The following DLGAP1 variants were observed in gnomAD, a reference collection of about 807,000 sequenced individuals.
DLGAP1 encodes the protein DLG associated protein 1.
In DLGAP1, 11 loss-of-function variants were observed where a neutral mutation model predicts 90.8. That is an observed-to-expected ratio of 0.12 (90% CI 0.08 to 0.20). The LOEUF is 0.20. Among genes scored for constraint, DLGAP1 ranks in the 10% least tolerant of loss-of-function variants. DLGAP1 has a pLI of 1.00. For missense variants in DLGAP1, 1,050 were observed against 1,333.8 expected, an observed-to-expected ratio of 0.79 and a Z score of 3.31; for synonymous variants, 558 against 540.7, an observed-to-expected ratio of 1.03 and a Z score of -0.44.
At chr18:4,079,072 G>A (rs188936680) in intron 2 of DLGAP1, among the ~76,000 whole-genome samples, 1 of 152,248 alleles carries the variant, frequency 6.6e-6, no homozygotes, top group East Asian at 1.9e-4. Context: ...AGCCCACGCT[G>A]GTGGTGGGTG....
intron 2 of DLGAP1, among the ~76,000 whole-genome samples, chr18:4,015,032 C>A (rs2074497282): frequency 6.6e-6 from 1 of 152,194 alleles, no homozygotes; most frequent in African/African-American, 2.4e-5. Flanking sequence ...GAACTGTTTG[C>A]TGCTCACCTT....
At chr18:4,307,368 C>G (rs1002875290) in intron 1 of DLGAP1, among the ~76,000 whole-genome samples, 8 of 152,140 alleles carry the variant, frequency 5.3e-5, no homozygotes, top group Admixed American at 4.6e-4. Flanking sequence ...TCTGTTCTAC[C>G]AGAGCCTCTC....
intron 1 of DLGAP1, among the ~76,000 whole-genome samples, chr18:4,371,758 G>A (rs1451122688): frequency 1.3e-5 from 2 of 152,136 alleles, no homozygotes; most frequent in Non-Finnish European, 2.9e-5. Context: ...AAAAGGCAAA[G>A]TCAGCTTTCT....
intron 1 of DLGAP1, among the ~76,000 whole-genome samples, chr18:4,335,113 G>A (rs1037526853): frequency 2.6e-5 from 4 of 151,858 alleles, no homozygotes; most frequent in African/African-American, 7.3e-5. Context: ...ATAAGGCAGC[G>A]AGCAGTTAAT....
At chr18:4,306,081 G>GGAGAGA (rs142976459) in intron 1 of DLGAP1, among the ~76,000 whole-genome samples, 2 of 143,728 alleles carry the variant, frequency 1.4e-5, no homozygotes, top group Admixed American at 7.0e-5. Flanking sequence ...AGAGGGGGGC[G>GGAGAGA]GAGAGAGAGA....
At chr18:4,091,940 A>C (rs2075778387) in intron 2 of DLGAP1, among the ~76,000 whole-genome samples, 1 of 152,128 alleles carries the variant, frequency 6.6e-6, no homozygotes, top group Non-Finnish European at 1.5e-5. Context: ...TTTTTTAATG[A>C]ATCACAAATA....
At chr18:3,650,485 G>A (rs912080607) in intron 7 of DLGAP1, among the ~76,000 whole-genome samples, 2 of 152,106 alleles carry the variant, frequency 1.3e-5, no homozygotes, top group African/African-American at 2.4e-5. Flanking sequence ...AAAAAGAAAC[G>A]TTTAGCCAAA....
chr18:3,910,339 T>C (rs181250361), intron 3 of DLGAP1, among the ~76,000 whole-genome samples: 1 of 152,120 alleles, frequency 6.6e-6, no homozygotes, highest in African/African-American at 2.4e-5. Flanking sequence ...ATTTCTGTAT[T>C]ACTACTATTA....
intron 1 of DLGAP1, among the ~76,000 whole-genome samples, chr18:4,399,856 C>T (rs1187782310): frequency 2.0e-5 from 3 of 152,162 alleles, no homozygotes; most frequent in African/African-American, 7.2e-5. Flanking sequence ...TGCCTTCTCT[C>T]CTTCCATGCA....
intron 1 of DLGAP1, among the ~76,000 whole-genome samples, chr18:4,327,605 T>C (rs1022799489): frequency 1.6e-4 from 25 of 152,074 alleles, no homozygotes; most frequent in African/African-American, 6.0e-4. Context: ...ATAAAATTTA[T>C]CAATTGTGCA....
In DLGAP1 at chr18:3,497,579, A is replaced by G. The variant is rs1330408268; in HGVS notation, c.*1606T>C. The G allele has an allele frequency of 1.3e-5, 2 of 152,218 alleles. No homozygotes were observed. The highest frequency in any genetic ancestry group is 2.9e-5 in the Non-Finnish European group (2 of 68,036). The allele number at this position is 152,218 out of a possible 1,614,324, so 9.4% of individuals were successfully genotyped here. ...TGGCTATGAGAGTGTATTATTTTAA[A>G]AAGCTTCTCTGGTGCAAGCATGTTT... On this transcript the variant is annotated 3_prime_UTR_variant, in exon 13 of 13. Transcript: ENST00000315677.
At chr18:4,039,147 A>C (rs945344774) in intron 2 of DLGAP1, among the ~76,000 whole-genome samples, 4 of 152,236 alleles carry the variant, frequency 2.6e-5, no homozygotes, top group African/African-American at 9.6e-5. Flanking sequence ...TATTTTTTTC[A>C]TACAAATTGG....
At chr18:3,651,964 G>A (rs2059323054) in intron 7 of DLGAP1, among the ~76,000 whole-genome samples, 1 of 149,454 alleles carries the variant, frequency 6.7e-6, no homozygotes, top group Non-Finnish European at 1.5e-5. Flanking sequence ...GAGCAAGACT[G>A]TCTCAAACAC....
chr18:3,822,725 C>T (rs2067488576), intron 4 of DLGAP1, among the ~76,000 whole-genome samples: 2 of 152,170 alleles, frequency 1.3e-5, no homozygotes, highest in African/African-American at 4.8e-5. Context: ...CCTAGGTCTG[C>T]AGTCCCCAAG....
At chr18:4,135,270 G>A (rs1020602702) in intron 2 of DLGAP1, among the ~76,000 whole-genome samples, 1 of 152,038 alleles carries the variant, frequency 6.6e-6, no homozygotes, top group Non-Finnish European at 1.5e-5. Context: ...CAGTAGAAGA[G>A]GGGGGAGCAG....
intron 3 of DLGAP1, among the ~76,000 whole-genome samples, chr18:3,948,504 T>C (rs757103453): frequency 3.9e-5 from 6 of 152,212 alleles, no homozygotes; most frequent in Non-Finnish European, 8.8e-5. Context: ...GATAAGTGGA[T>C]CTAGCGTGTT....
At chr18:4,032,701 G>A (rs537655655) in intron 2 of DLGAP1, among the ~76,000 whole-genome samples, 29 of 152,268 alleles carry the variant, frequency 1.9e-4, no homozygotes, top group African/African-American at 7.0e-4. Flanking sequence ...GTTTTAAGGT[G>A]TATAGAATGG....
chr18:3,695,626 T>A (rs1255354239), intron 7 of DLGAP1, among the ~76,000 whole-genome samples: 1 of 152,220 alleles, frequency 6.6e-6, no homozygotes, highest in East Asian at 1.9e-4. Flanking sequence ...TAGTTTGAAG[T>A]CAGGTAGTGT....
chr18:4,328,601 T>C (rs2080876896), intron 1 of DLGAP1, among the ~76,000 whole-genome samples: 1 of 152,000 alleles, frequency 6.6e-6, no homozygotes, highest in Admixed American at 6.6e-5. Context: ...GGGTCTACCT[T>C]CCTTATTAAG....
Sources: allele counts gnomAD v4.1 joint callset (sites outside exome capture counted in the v4.1 genomes callset), GRCh38; gene constraint gnomAD v4.1.1; transcripts MANE v1.5; gene names NCBI Gene and HGNC (gene_info 2026-07-23, HGNC 2026-07-21).